The following PAK1 variants were observed in gnomAD, a reference collection of about 807,000 sequenced individuals.
PAK1 encodes the protein p21 (RAC1) activated kinase 1, also known as serine/threonine-protein kinase PAK 1.
PAK1 carries 29 observed loss-of-function variants against 67.4 expected under a neutral mutation model. That is an observed-to-expected ratio of 0.43 (90% confidence interval 0.32 to 0.59). The LOEUF (loss-of-function observed/expected upper bound fraction) is 0.59. Ranked by LOEUF, PAK1 falls within the 20% of genes least tolerant of loss-of-function variation. The probability of loss-of-function intolerance (pLI) is 0.07; values close to 1 mark genes in which losing one functional copy is unlikely to be tolerated. For synonymous variants in PAK1, 223 were observed against 237.4 expected, an observed-to-expected ratio of 0.94 and a Z score of 0.56; for missense variants, 337 against 670.7, an observed-to-expected ratio of 0.50 and a Z score of 5.50.
At chr11:77,434,141 A>G (rs1486053501) in intron 1 of PAK1, among the ~76,000 whole-genome samples, 12 of 152,182 alleles carry the variant, frequency 7.9e-5, no homozygotes, top group Non-Finnish European at 1.5e-5. Context: ...TCCTAAATAT[A>G]TACTTAAAGG....
intron 1 of PAK1, among the ~76,000 whole-genome samples, chr11:77,396,746 C>T (rs1010616238): frequency 8.5e-5 from 13 of 152,128 alleles, no homozygotes; most frequent in African/African-American, 3.1e-4. Context: ...TCACAGAACA[C>T]AATTTTGTGC....
the PAK1 span, among the ~76,000 whole-genome samples, chr11:77,480,521 GTT>G: frequency 8.2e-6 from 1 of 121,306 alleles, no homozygotes; most frequent in Non-Finnish European, 1.7e-5. Flanking sequence ...AACCACCATG[GTT>G]TTTTTTTTTT....
At chr11:77,327,512 G>A (rs1940295570) in intron 14 of PAK1, among the ~76,000 whole-genome samples, 1 of 152,116 alleles carries the variant, frequency 6.6e-6, no homozygotes, top group Non-Finnish European at 1.5e-5. Flanking sequence ...TTTCAACCCA[G>A]AATTTCATAT....
At chr11:77,406,038 T>C (rs1408088231) in intron 1 of PAK1, among the ~76,000 whole-genome samples, 2 of 152,222 alleles carry the variant, frequency 1.3e-5, no homozygotes, top group African/African-American at 4.8e-5. Flanking sequence ...CTTCCATCTT[T>C]CTGTCTACTC....
chr11:77,459,977 T>G lies in PAK1; in HGVS notation c.-22+13575A>C, dbSNP rs145037629. ...TCCCAAAGTGCTGGGATTACAGGCG[T>G]GAGCCACCGCGCCCGGCGTGGGGCT... On this transcript the variant is annotated intron_variant, in intron 1 of 14. Coordinates refer to ENST00000356341, the MANE Select transcript of PAK1 (RefSeq NM_002576.5). 3.1e-3 allele frequency among the ~76,000 whole-genome samples: 467 copies of G among 152,018 alleles called. 4 individuals carry two copies. Among genetic ancestry groups the G allele is most frequent in the African/African-American group, 0.011 (436 of 41,484 alleles).
In PAK1 at chr11:77,322,548, A is replaced by G. The variant is rs187206916; in HGVS notation, c.*726T>C. On this transcript the variant is annotated 3_prime_UTR_variant, in exon 15 of 15. Coordinates refer to ENST00000356341, the MANE Select transcript of PAK1 (RefSeq NM_002576.5). ...AGTATGTGCCCTAGAAAACCTCTCA[A>G]TGTTATAAACAAGGGACAGGATAGG... 2.4e-4 allele frequency: 47 copies of G among 195,204 alleles called. No homozygotes were observed. In the East Asian group the frequency reaches 3.2e-3, roughly 13 times the overall value. 12.1% of individuals were successfully genotyped at this position (195,204 alleles called of 1,614,324 possible). A position where few individuals can be genotyped will look rare whatever the true frequency, so the allele number is the denominator to read the frequency against.
chr11:77,432,113 T>A (rs185773438), intron 1 of PAK1, among the ~76,000 whole-genome samples: 23 of 151,774 alleles, frequency 1.5e-4, no homozygotes, highest in South Asian at 4.2e-4. Flanking sequence ...GACATAATGA[T>A]TCCAGATATG....
chr11:77,352,369 C>T (rs1458724433), intron 8 of PAK1, among the ~76,000 whole-genome samples: 5 of 152,180 alleles, frequency 3.3e-5, no homozygotes, highest in Admixed American at 6.5e-5. Context: ...ACTTTAAAAA[C>T]ACAAGACAGT....
chr11:77,410,870 T>C (rs1294528236), intron 1 of PAK1, among the ~76,000 whole-genome samples: 2 of 152,100 alleles, frequency 1.3e-5, no homozygotes, highest in Non-Finnish European at 2.9e-5. Context: ...GAAAGAATTA[T>C]AGTGATTAAG....
At chr11:77,382,595 C>A (rs1023251678) in intron 2 of PAK1, among the ~76,000 whole-genome samples, 5 of 152,120 alleles carry the variant, frequency 3.3e-5, no homozygotes, top group Non-Finnish European at 7.4e-5. Flanking sequence ...TTTAAAAATC[C>A]AAAATGTAAG....
chr11:77,488,461 C>T, the PAK1 span, among the ~76,000 whole-genome samples: 1 of 152,100 alleles, frequency 6.6e-6, no homozygotes, highest in Non-Finnish European at 1.5e-5. Flanking sequence ...GCACCAGTGA[C>T]CAATCCCAGA....
chr11:77,335,115 C>G (rs1418716896), intron 13 of PAK1, among the ~76,000 whole-genome samples: 2 of 152,188 alleles, frequency 1.3e-5, no homozygotes, highest in Non-Finnish European at 2.9e-5. Flanking sequence ...AGAAAGGCCA[C>G]TCCTTGGTCT....
chr11:77,486,814 C>A, the PAK1 span, among the ~76,000 whole-genome samples: 1 of 152,220 alleles, frequency 6.6e-6, no homozygotes, highest in East Asian at 1.9e-4. Flanking sequence ...TCCAGCAAGC[C>A]TCATCATTGT....
chr11:77,424,908 C>G lies in PAK1; in HGVS notation c.-21-32367G>C, dbSNP rs140422852. The stretch of plus-strand genomic sequence containing the variant: ...ACGAAATGCTTCATTCATCTCTGTT[C>G]CCTCAGTACTTCATACAAAGCCTAG... On this transcript the variant is annotated intron_variant, in intron 1 of 14. Transcript: ENST00000356341. Among the ~76,000 whole-genome samples, 3 of 152,304 alleles carry G rather than the reference C, an allele frequency of 2.0e-5. No homozygotes were observed. In the East Asian group the frequency reaches 5.8e-4, roughly 29 times the overall value.
intron 1 of PAK1, 45 bp from the exon 2 acceptor site, chr11:77,392,586 A>T (rs367865711): frequency 6.9e-7 from 1 of 1,446,262 alleles, no homozygotes; most frequent in South Asian, 1.4e-5. Flanking sequence ...ATTATTTTTG[A>T]CCAAAAGGAA....
chr11:77,513,670 CAAAAAAAA>C, the PAK1 span, among the ~76,000 whole-genome samples: 8 of 52,936 alleles, frequency 1.5e-4, no homozygotes, highest in East Asian at 6.8e-4. Flanking sequence ...GACTCTGTCT[CAAAAAAAA>C]AAAAAAAAAA....
chr11:77,409,730 T>TA (rs1169761400), intron 1 of PAK1, among the ~76,000 whole-genome samples: 2 of 150,720 alleles, frequency 1.3e-5, no homozygotes, highest in South Asian at 2.1e-4. Context: ...ATGTAGGAGG[T>TA]AAAAAAAGTA....
At chr11:77,401,972 G>C (rs1952757435) in intron 1 of PAK1, among the ~76,000 whole-genome samples, 1 of 152,148 alleles carries the variant, frequency 6.6e-6, no homozygotes, top group Non-Finnish European at 1.5e-5. Flanking sequence ...AAGGTTCACT[G>C]ACTAAGGCAG....
In PAK1 at chr11:77,373,574, A is replaced by AG. The variant is rs1948714979; in HGVS notation, c.477+753_477+754insC. Among the ~76,000 whole-genome samples, 4 of 151,860 alleles carry AG rather than the reference A, an allele frequency of 2.6e-5. No homozygotes were observed. In the East Asian group the frequency reaches 7.7e-4, roughly 29 times the overall value. ...AACCTCGTCTCTTTAAAAAAAAAAAAAAAAAAAAGCAGTATTCTCTTATAT... is the reference window on the plus strand; with the variant it reads ...AACCTCGTCTCTTTAAAAAAAAAAAAGAAAAAAAAGCAGTATTCTCTTATAT... On this transcript the variant is annotated intron_variant, in intron 5 of 14. Transcript: ENST00000356341.
Sources: gnomAD v4.1 joint callset for allele counts (sites outside exome capture counted in the v4.1 genomes callset) on GRCh38, gnomAD v4.1.1 for gene constraint, MANE v1.5 for transcripts, NCBI Gene and HGNC (gene_info 2026-07-23, HGNC 2026-07-21) for gene names.